The following NRXN3 variants were observed in gnomAD, a reference collection of about 807,000 sequenced individuals.
NRXN3 encodes the protein neurexin 3, also known as neurexin III.
A neutral mutation model predicts 137.6 loss-of-function variants in NRXN3; 32 were observed. The ratio of observed to expected loss-of-function variants is 0.23; its 90% CI spans 0.18 to 0.31. The LOEUF is 0.31. Ranked by LOEUF, NRXN3 falls within the 10% of genes least tolerant of loss-of-function variation. The pLI is 1.00. For synonymous variants in NRXN3, 798 were observed against 784.5 expected (o/e 1.02, Z -0.29); for missense variants, 1,574 against 2,062.5 (o/e 0.76, Z 4.59).
intron 10 of NRXN3, among the ~76,000 whole-genome samples, chr14:78,948,628 C>CTTTTTTTTTTTTTTTTTTTTTTTTTCT (rs201010514): frequency 9.2e-6 from 1 of 108,602 alleles, no homozygotes; most frequent in Non-Finnish European, 1.9e-5. Flanking sequence ...ACACATTTAA[C>CTTTTTTTTTTTTTTTTTTTTTTTTTCT]TTTTTTTTTT....
At chr14:78,818,387 T>C (rs2098940899) in intron 10 of NRXN3, among the ~76,000 whole-genome samples, 1 of 152,166 alleles carries the variant, frequency 6.6e-6, no homozygotes, top group African/African-American at 2.4e-5. Context: ...TTATTATTTA[T>C]ACAAAATTGT....
chr14:78,682,532 G>C (rs2098086531), intron 6 of NRXN3, among the ~76,000 whole-genome samples: 1 of 152,048 alleles, frequency 6.6e-6, no homozygotes, highest in African/African-American at 2.4e-5. Flanking sequence ...CTACTGTCTA[G>C]TCCTCAGTGC....
intron 10 of NRXN3, among the ~76,000 whole-genome samples, chr14:78,903,274 G>C (rs760804095): frequency 2.0e-5 from 3 of 150,484 alleles, no homozygotes; most frequent in Non-Finnish European, 4.4e-5. Context: ...TCAGTCTCCT[G>C]AGTAGTTGGG....
chr14:78,614,831 G>T, intron 4 of NRXN3: 1 of 382,370 alleles, frequency 2.6e-6, no homozygotes, highest in South Asian at 1.9e-5. Context: ...AACAACTCTT[G>T]TGGGCCCTTA....
chr14:79,189,628 C>T (rs1289614737), intron 15 of NRXN3, among the ~76,000 whole-genome samples: 6 of 152,172 alleles, frequency 3.9e-5, no homozygotes, highest in East Asian at 1.9e-4. Flanking sequence ...CGTCTAGAGA[C>T]GAATATGGCT....
intron 4 of NRXN3, among the ~76,000 whole-genome samples, chr14:78,400,986 T>C (rs1398148754): frequency 6.6e-6 from 1 of 152,166 alleles, no homozygotes; most frequent in Non-Finnish European, 1.5e-5. Flanking sequence ...AATATCAAAG[T>C]GCTGGCAGGT....
At chr14:79,779,134 A>C (rs2099106282) in intron 19 of NRXN3, among the ~76,000 whole-genome samples, 1 of 152,178 alleles carries the variant, frequency 6.6e-6, no homozygotes, top group Non-Finnish European at 1.5e-5. Flanking sequence ...TCTTTTTGAG[A>C]CAGAGTTTTG....
At position 79,861,543 on chromosome 14, in the gene NRXN3, G is replaced by A. The variant is rs1478153407; in HGVS notation, c.4295G>A (p.Arg1432His). 1.9e-6 allele frequency: 3 copies of A among 1,560,048 alleles called. No individual in the cohort carries two copies. The highest frequency in any genetic ancestry group is 2.6e-6 in the Non-Finnish European group (3 of 1,155,172). Residue 1432 changes from arginine to histidine, a missense_variant, in exon 21 of 21, where the codon CGT becomes CAT. Arg to His is a conservative substitution (Grantham distance 29, BLOSUM62 0). Coordinates refer to ENST00000335750, the MANE Select transcript of NRXN3 (RefSeq NM_001330195.2). The surrounding 1 kb of genome is among the most constrained non-coding windows in gnomAD (Gnocchi z 5.4). ...PKLPAGKMNN[R>H]DLKPQPDIVL... ...TTGCCAGCTGGCAAAATGAATAACC[G>A]TGATCTCAAACCCCAGCCTGATATA... is the stretch of plus-strand genomic sequence containing the variant.
At chr14:78,553,483 T>G (rs553362227) in intron 4 of NRXN3, among the ~76,000 whole-genome samples, 1 of 152,126 alleles carries the variant, frequency 6.6e-6, no homozygotes, top group African/African-American at 2.4e-5. Context: ...CAAAGCTTTG[T>G]TCCCCCCTGC....
intron 19 of NRXN3, among the ~76,000 whole-genome samples, chr14:79,719,592 G>T (rs2098837050): frequency 6.6e-6 from 1 of 151,700 alleles, no homozygotes; most frequent in South Asian, 2.1e-4. Flanking sequence ...TCTAAACAAG[G>T]AATATATACG....
intron 10 of NRXN3, among the ~76,000 whole-genome samples, chr14:78,936,126 T>C (rs2099337851): frequency 6.6e-6 from 1 of 152,222 alleles, no homozygotes; most frequent in Non-Finnish European, 1.5e-5. Context: ...CTATCTTTCC[T>C]ACCTTAGCTC....
chr14:78,586,884 G>A (rs1450139454), intron 4 of NRXN3, among the ~76,000 whole-genome samples: 1 of 152,214 alleles, frequency 6.6e-6, no homozygotes. Flanking sequence ...ATAGGCTCCT[G>A]CGGGCCTGTG....
intron 7 of NRXN3, among the ~76,000 whole-genome samples, chr14:78,711,660 C>T (rs2098409412): frequency 6.6e-6 from 1 of 152,006 alleles, no homozygotes. Context: ...AGGCCAATCT[C>T]GAACTCCTGA....
intron 10 of NRXN3, among the ~76,000 whole-genome samples, chr14:78,883,426 C>G (rs1322836034): frequency 8.5e-5 from 13 of 152,068 alleles, no homozygotes; most frequent in Admixed American, 8.5e-4. Flanking sequence ...GGAAGTGGAA[C>G]AGGAGGTTCT....
chr14:79,356,363 G>T (rs966692741), intron 15 of NRXN3, among the ~76,000 whole-genome samples: 1 of 152,096 alleles, frequency 6.6e-6, no homozygotes. Flanking sequence ...GTTTTTTAAT[G>T]CCGCCTGCTG....
chr14:79,354,003 AC>A (rs1242589962), intron 15 of NRXN3, among the ~76,000 whole-genome samples: 1 of 152,100 alleles, frequency 6.6e-6, no homozygotes, highest in East Asian at 1.9e-4. Context: ...GGTTTCTATA[AC>A]AGCTACGACA....
At chr14:79,451,171 GA>G (rs563541996) in intron 15 of NRXN3, among the ~76,000 whole-genome samples, 4,163 of 86,094 alleles carry the variant, frequency 0.048, 71 homozygotes, top group Middle Eastern at 0.14. Flanking sequence ...GGAGGGAACA[GA>G]AAAAAAAAAA....
At chr14:78,698,199 C>T (rs2098246104) in intron 6 of NRXN3, 1 of 152,084 alleles carries the variant, frequency 6.6e-6, no homozygotes, top group Non-Finnish European at 1.5e-5. Flanking sequence ...TGGTTCTGAA[C>T]TAACTGCTTC....
chr14:78,966,614 A>G (rs1244875787), intron 12 of NRXN3, among the ~76,000 whole-genome samples: 2 of 152,220 alleles, frequency 1.3e-5, no homozygotes, highest in Non-Finnish European at 2.9e-5. Context: ...GTCTTCCACT[A>G]ACTCAACACT....
Sources: gnomAD v4.1 joint callset for allele counts (sites outside exome capture counted in the v4.1 genomes callset) on GRCh38, gnomAD v4.1.1 for gene constraint, Gnocchi (gnomAD v3.1) non-coding constraint, MANE v1.5 for transcripts, NCBI Gene and HGNC (gene_info 2026-07-23, HGNC 2026-07-21) for gene names.